Variants in COLGALT2 observed in about 807,000 individuals in gnomAD.
COLGALT2 encodes procollagen galactosyltransferase 2.
COLGALT2 carries 49 observed loss-of-function variants against 73.4 expected under a neutral mutation model. The ratio of observed to expected loss-of-function variants is 0.67; its 90% CI spans 0.53 to 0.85. The LOEUF is 0.85. Among genes scored for constraint, COLGALT2 ranks in the 40% least tolerant of loss-of-function variants. COLGALT2 has a pLI of 0.00. For missense variants in COLGALT2, 722 were observed against 790.2 expected (o/e 0.91, Z 1.03); for synonymous variants, 295 against 307.6 (o/e 0.96, Z 0.43).
At chr1:183,969,179 G>GT (rs10667502) in intron 5 of COLGALT2, 90 bp downstream of exon 5, 231,892 of 1,009,730 alleles carry the variant, frequency 0.23, 14,011 homozygotes, top group African/African-American at 0.31. Flanking sequence ...ACATATGAGG[G>GT]TTTTTTTTTT....
In COLGALT2 at chr1:183,936,855, G is replaced by C. The variant is rs1355531193; in HGVS notation, c.*1906C>G. The C allele has an allele frequency of 3.2e-6, 4 of 1,231,608 alleles. No homozygotes were observed. The highest frequency in any genetic ancestry group is 4.0e-6 in the Non-Finnish European group (4 of 988,020). 76.3% of individuals were successfully genotyped at this position (1,231,608 alleles called of 1,614,324 possible). ...CCTAGCTTGCTGGTCAGTGTAGAAG[G>C]GTACCCACAGTGAGTCGGGAAGGAA... is the stretch of plus-strand genomic sequence containing the variant. On this transcript the variant is annotated 3_prime_UTR_variant, in exon 12 of 12. Coordinates refer to ENST00000361927, the MANE Select transcript of COLGALT2 (RefSeq NM_015101.4).
In COLGALT2 at chr1:184,012,551, C is replaced by T. The variant is rs568604131; in HGVS notation, c.263+24544G>A. Among the ~76,000 whole-genome samples the T allele has an allele frequency of 1.3e-5, 2 of 152,224 alleles. 1 individual carries two copies. The highest frequency in any genetic ancestry group is 1.3e-4 in the Admixed American group (2 of 15,294). ...TTTTTACTGAACTTAGCAGTATAATCAAGAAACTGTACATTTTCAGTGTGT... is the reference window on the plus strand; with the variant it reads ...TTTTTACTGAACTTAGCAGTATAATTAAGAAACTGTACATTTTCAGTGTGT... On this transcript the variant is annotated intron_variant, in intron 1 of 11. Coordinates refer to ENST00000361927, the MANE Select transcript of COLGALT2 (RefSeq NM_015101.4).
At position 184,037,132 on chromosome 1, in the gene COLGALT2, C is replaced by G; in HGVS notation, c.226G>C (p.Glu76Gln). 6.3e-7 allele frequency: 1 copy of G among 1,598,360 alleles called. No homozygotes were observed. The highest frequency in any genetic ancestry group is 8.5e-7 in the Non-Finnish European group (1 of 1,174,328). Residue 76 changes from glutamate (E) to glutamine (Q), a missense_variant, in exon 1 of 12, where the codon GAG becomes CAG. Glu to Gln is a conservative substitution (Grantham distance 29). Transcript: ENST00000361927. ...HTLPHFLGCL[E>Q]RLDYPKSRMA... is the part of the protein sequence containing the mutation. ...CTGCTCTTGGGGTAGTCCAGCCGCT[C>G]CAGGCAGCCGAGGAAGTGCGGCAGC...
intron 1 of COLGALT2, among the ~76,000 whole-genome samples, chr1:183,987,072 A>G (rs574425436): frequency 2.7e-4 from 41 of 152,330 alleles, no homozygotes; most frequent in Non-Finnish European, 4.9e-4. Context: ...GAAAAATGGG[A>G]AGATTCATTC....
At chr1:184,018,275 GA>G (rs5779195) in intron 1 of COLGALT2, among the ~76,000 whole-genome samples, 107,153 of 151,298 alleles carry the variant, frequency 0.71, 39,198 homozygotes, top group African/African-American at 0.89. Flanking sequence ...GTTTCAAAAA[GA>G]AAAAAAAAAT....
chr1:183,989,876 AC>A (rs535339211), intron 1 of COLGALT2, among the ~76,000 whole-genome samples: 12 of 152,320 alleles, frequency 7.9e-5, no homozygotes, highest in African/African-American at 2.9e-4. Context: ...TGAGGAGCCA[AC>A]AGCATGTGAA....
At chr1:183,969,553 T>C in intron 4 of COLGALT2, 80 bp from the exon 5 acceptor site, 1 of 1,257,048 alleles carries the variant, frequency 8.0e-7, no homozygotes, top group South Asian at 1.5e-5. Context: ...GACTGATTCC[T>C]TTCAAGTCAT....
chr1:184,005,372 T>C (rs1204558583), intron 1 of COLGALT2, among the ~76,000 whole-genome samples: 1 of 152,218 alleles, frequency 6.6e-6, no homozygotes, highest in African/African-American at 2.4e-5. Flanking sequence ...TCCTAGTTGC[T>C]AAGTTGCTCT....
At chr1:183,949,204 C>T (rs1012881482) in intron 8 of COLGALT2, among the ~76,000 whole-genome samples, 5 of 152,136 alleles carry the variant, frequency 3.3e-5, no homozygotes, top group Admixed American at 2.6e-4. Flanking sequence ...ATCCCAGCTG[C>T]CGTTTTCTTT....
intron 6 of COLGALT2, among the ~76,000 whole-genome samples, chr1:183,959,103 T>A (rs1326549747): frequency 6.6e-6 from 1 of 152,158 alleles, no homozygotes; most frequent in Non-Finnish European, 1.5e-5. Context: ...TTCTTTATCC[T>A]TATTTTCCTT....
intron 1 of COLGALT2, among the ~76,000 whole-genome samples, chr1:183,997,656 C>T (rs935071848): frequency 6.6e-6 from 1 of 152,196 alleles, no homozygotes; most frequent in African/African-American, 2.4e-5. Flanking sequence ...TCCTGGGCTG[C>T]ATGTGGCCCA....
intron 1 of COLGALT2, among the ~76,000 whole-genome samples, chr1:184,032,591 G>A (rs1649549708): frequency 6.6e-6 from 1 of 152,156 alleles, no homozygotes; most frequent in Non-Finnish European, 1.5e-5. Flanking sequence ...ACCAGATTGG[G>A]AAAATGAGGA....
intron 10 of COLGALT2, 68 bp from the exon 11 acceptor site, chr1:183,940,855 G>A: frequency 1.5e-6 from 2 of 1,362,786 alleles, no homozygotes; most frequent in African/African-American, 1.4e-5. Flanking sequence ...ATGAAGCACA[G>A]CTTTGGTTTA....
Position 183,936,651 on chromosome 1 carries a change from C to CA in COLGALT2, c.*2109dup, listed in dbSNP as rs1358075210. The CA allele has an allele frequency of 4.1e-6, 5 of 1,221,710 alleles. No homozygotes were observed. The highest frequency in any genetic ancestry group is 5.1e-6 in the Non-Finnish European group (5 of 982,484). 75.7% of individuals were successfully genotyped at this position (1,221,710 alleles called of 1,614,324 possible). On this transcript the variant is annotated 3_prime_UTR_variant, in exon 12 of 12. Transcript: ENST00000361927. ...AAAGTCATGCACACATGCACACACT[C>CA]AAATATGAAAACAAAAACCAGATAC... is the stretch of plus-strand genomic sequence containing the variant.
chr1:184,035,161 T>C (rs1237041737), intron 1 of COLGALT2, among the ~76,000 whole-genome samples: 1 of 152,150 alleles, frequency 6.6e-6, no homozygotes, highest in Non-Finnish European at 1.5e-5. Flanking sequence ...GTCCATACCA[T>C]CTGGAACTTA....
chr1:183,975,010 G>A, intron 3 of COLGALT2, 87 bp downstream of exon 3: 1 of 906,504 alleles, frequency 1.1e-6, no homozygotes, highest in Non-Finnish European at 1.7e-6. Flanking sequence ...AGGTTGTTTT[G>A]ATTGCTTCCA....
At chr1:183,952,022 G>C (rs551492733) in intron 7 of COLGALT2, among the ~76,000 whole-genome samples, 1 of 152,296 alleles carries the variant, frequency 6.6e-6, no homozygotes, top group South Asian at 2.1e-4. Context: ...GAACAGAATA[G>C]AGAACCAGAA....
intron 6 of COLGALT2, among the ~76,000 whole-genome samples, chr1:183,962,199 A>C (rs1217069730): frequency 8.8e-6 from 1 of 113,966 alleles, no homozygotes; most frequent in African/African-American, 3.5e-5. Flanking sequence ...TCACTCTGTC[A>C]CTCAGGCTGG....
At chr1:183,984,801 C>T (rs1193465887) in intron 1 of COLGALT2, among the ~76,000 whole-genome samples, 1 of 152,184 alleles carries the variant, frequency 6.6e-6, no homozygotes, top group Non-Finnish European at 1.5e-5. Context: ...AGCAAAAGCC[C>T]ATGAGTCTCA....
Sources: gnomAD v4.1 joint callset for allele counts (sites outside exome capture counted in the v4.1 genomes callset) on GRCh38, gnomAD v4.1.1 for gene constraint, MANE v1.5 for transcripts, NCBI Gene and HGNC (gene_info 2026-07-23, HGNC 2026-07-21) for gene names.